PPFIA1: variants seen among roughly 807,000 people sequenced by gnomAD.
The protein encoded by PPFIA1 is PPFI scaffold protein A1.
Under a neutral mutation model 149.9 loss-of-function variants are expected in PPFIA1, and 25 were observed. The ratio of observed to expected loss-of-function variants is 0.17; its 90% confidence interval spans 0.12 to 0.23. PPFIA1 has a LOEUF of 0.23. PPFIA1 is among the 10% of genes least tolerant of loss of function. The pLI, the probability that PPFIA1 is intolerant of heterozygous loss-of-function variation, is 1.00. For missense variants in PPFIA1, 1,362 were observed against 1,506.5 expected (o/e 0.90, Z 1.59); for synonymous variants, 549 against 552.8 (o/e 0.99, Z 0.10).
chr11:70,325,218 TGGGTAGTATTAGGTTGTTGCAA>T (rs2054188245), intron 4 of PPFIA1: 2 of 490,250 alleles, frequency 4.1e-6, no homozygotes, highest in South Asian at 9.7e-5. Context: ...TGTTACAAAT[TGGGTAGTATTAGGTTGTTGCAA>T]AAGTAATTGT....
chr11:70,281,257 T>C (rs1266739197), intron 2 of PPFIA1, among the ~76,000 whole-genome samples: 2 of 152,190 alleles, frequency 1.3e-5, no homozygotes, highest in Non-Finnish European at 2.9e-5. Context: ...CCCTCTGTCA[T>C]CTGGCACATG....
At chr11:70,342,308 G>T (rs2055383028) in intron 14 of PPFIA1, among the ~76,000 whole-genome samples, 1 of 152,182 alleles carries the variant, frequency 6.6e-6, no homozygotes, top group Non-Finnish European at 1.5e-5. Context: ...CCGAGTGCAG[G>T]CCTTGGTTTT....
intron 2 of PPFIA1, among the ~76,000 whole-genome samples, chr11:70,312,901 C>T (rs762050731): frequency 6.6e-5 from 10 of 152,038 alleles, no homozygotes; most frequent in Admixed American, 2.6e-4. Context: ...GGGCTGGGGG[C>T]GGGTGTGACC....
chr11:70,333,396 C>G, intron 9 of PPFIA1, 74 bp from the exon 10 acceptor site: 2 of 1,173,420 alleles, frequency 1.7e-6, no homozygotes, highest in East Asian at 4.9e-5. Flanking sequence ...GTGCCTGTTG[C>G]CACTGCAGTG....
chr11:70,335,221 A>C (rs886844637), intron 10 of PPFIA1, among the ~76,000 whole-genome samples: 1 of 152,142 alleles, frequency 6.6e-6, no homozygotes, highest in African/African-American at 2.4e-5. Context: ...ACAAGGGGAA[A>C]TTCCTCTACC....
intron 24 of PPFIA1, chr11:70,375,438 C>T (rs2057454156): frequency 6.0e-6 from 1 of 166,472 alleles, no homozygotes; most frequent in Non-Finnish European, 1.3e-5. Context: ...TGCCTTATGC[C>T]ATTCTTTTTG....
intron 15 of PPFIA1, chr11:70,345,808 C>T (rs923418979): frequency 1.4e-5 from 3 of 214,760 alleles, no homozygotes; most frequent in Non-Finnish European, 2.9e-5. Flanking sequence ...GCCAGGATGA[C>T]AGAGTGAGAT....
chr11:70,372,038 A>G (rs955173655), intron 21 of PPFIA1, 177 bp from the exon 22 acceptor site: 26 of 470,218 alleles, frequency 5.5e-5, no homozygotes, highest in Non-Finnish European at 8.5e-5. Context: ...TGTTGTATAA[A>G]AATTTTACTA....
chr11:70,326,053 G>T (rs541698478), intron 5 of PPFIA1, among the ~76,000 whole-genome samples: 36 of 152,232 alleles, frequency 2.4e-4, no homozygotes, highest in Admixed American at 1.6e-3. Flanking sequence ...CAAAATGATG[G>T]TTACCTAAGG....
chr11:70,341,647 A>G (rs1037932874), intron 14 of PPFIA1, among the ~76,000 whole-genome samples: 12 of 152,164 alleles, frequency 7.9e-5, no homozygotes, highest in Non-Finnish European at 1.5e-4. Context: ...GCGCATATGG[A>G]TGGTATTAAG....
intron 15 of PPFIA1, among the ~76,000 whole-genome samples, chr11:70,345,375 G>T (rs1295940444): frequency 6.6e-6 from 1 of 151,872 alleles, no homozygotes; most frequent in Non-Finnish European, 1.5e-5. Flanking sequence ...AGTCAGTATA[G>T]TGAGGGTGAC....
chr11:70,325,081 G>T, intron 4 of PPFIA1, 70 bp downstream of exon 4: 1 of 1,418,774 alleles, frequency 7.0e-7, no homozygotes, highest in Non-Finnish European at 9.3e-7. Flanking sequence ...AAGTGTTGGT[G>T]TAACTTTTGT....
At chr11:70,353,474 C>G (rs1160998098) in intron 16 of PPFIA1, among the ~76,000 whole-genome samples, 1 of 152,144 alleles carries the variant, frequency 6.6e-6, no homozygotes, top group African/African-American at 2.4e-5. Context: ...CAGTCCCACT[C>G]AAAACCAGAA....
chr11:70,283,450 A>G (rs2136113074), intron 2 of PPFIA1, among the ~76,000 whole-genome samples: 1 of 152,248 alleles, frequency 6.6e-6, no homozygotes, highest in South Asian at 2.1e-4. Flanking sequence ...AGAAGATTCT[A>G]AGGAATGAGG....
chr11:70,366,064 A>G, intron 21 of PPFIA1: 1 of 425,780 alleles, frequency 2.3e-6, no homozygotes, highest in Non-Finnish European at 4.7e-6. Flanking sequence ...TTTGATGTTT[A>G]TAGCATCTTA....
At chr11:70,339,393 T>G in intron 14 of PPFIA1, 87 bp downstream of exon 14, 2 of 1,458,926 alleles carry the variant, frequency 1.4e-6, no homozygotes, top group African/African-American at 2.8e-5. Flanking sequence ...ATAAAAATGT[T>G]GATAGGTCAT....
intron 2 of PPFIA1, among the ~76,000 whole-genome samples, chr11:70,299,771 CT>C (rs941720236): frequency 5.3e-5 from 8 of 152,170 alleles, no homozygotes; most frequent in African/African-American, 1.2e-4. Flanking sequence ...CCTGATCCCC[CT>C]GATACACACT....
chr11:70,295,941 C>T (rs1172289906), intron 2 of PPFIA1, among the ~76,000 whole-genome samples: 6 of 150,698 alleles, frequency 4.0e-5, no homozygotes, highest in African/African-American at 9.8e-5. Flanking sequence ...GGTTGCCAGG[C>T]GGAGGGTCTC....
chr11:70,348,756 A>G (rs886913806), intron 16 of PPFIA1, among the ~76,000 whole-genome samples: 1 of 151,906 alleles, frequency 6.6e-6, no homozygotes, highest in East Asian at 1.9e-4. Flanking sequence ...CTGTAGTCCC[A>G]GCTACTCTGG....
Sources: allele counts gnomAD v4.1 joint callset (sites outside exome capture counted in the v4.1 genomes callset), GRCh38; gene constraint gnomAD v4.1.1; transcripts MANE v1.5; gene names NCBI Gene and HGNC (gene_info 2026-07-23, HGNC 2026-07-21).